The following SHROOM2 variants were observed in gnomAD, a reference collection of about 807,000 sequenced individuals.
SHROOM2 encodes the protein protein Shroom2.
SHROOM2 carries 33 observed loss-of-function variants against 75.9 expected under a neutral mutation model. That is an observed-to-expected ratio of 0.43 (90% confidence interval 0.33 to 0.58). The LOEUF is 0.58. Ranked by LOEUF, SHROOM2 falls within the 20% of genes least tolerant of loss-of-function variation. The probability of loss-of-function intolerance (pLI) is 0.04; values close to 1 mark genes in which losing one functional copy is unlikely to be tolerated. For missense variants in SHROOM2, 1,434 were observed against 1,461.2 expected (o/e 0.98, Z 0.30); for synonymous variants, 655 against 663.6 (o/e 0.99, Z 0.20).
chrX:9,873,906 G>C, intron 2 of SHROOM2, 103 bp downstream of exon 2: 1 of 872,804 alleles, frequency 1.1e-6, no homozygotes, highest in Non-Finnish European at 1.6e-6. Context: ...CAGAGATCTC[G>C]ATTGGGACAT....
chrX:9,937,222 C>T lies in SHROOM2; in HGVS notation c.3676C>T (p.Arg1226Cys), dbSNP rs751386118. 5 of 1,204,721 alleles carry T rather than the reference C, an allele frequency of 4.2e-6. No individual in the cohort carries two copies. The highest frequency in any genetic ancestry group is 6.0e-5 in the East Asian group (2 of 33,389). The change falls in exon 7 of 10, where the codon CGC becomes TGC. Residue 1226 changes from arginine (R) to cysteine (C), a missense_variant. By Grantham distance (180) the Arg-to-Cys change is radical (BLOSUM62 -3). Around this residue, in one of 3 missense-constraint regions of SHROOM2, gnomAD observed 1,340 missense variants for 1,338.3 expected, o/e 1.00. Transcript: ENST00000380913. ...HSESQPEKES[R>C]QSLACPAEPP... ...GGAGAGCCAGCCAGAGAAGGAGAGC[C>T]GCCAGAGCCTGGCATGCCCCGCCGA... is the stretch of plus-strand genomic sequence containing the variant.
chrX:9,805,096 A>G (rs1165206636), intron 1 of SHROOM2, among the ~76,000 whole-genome samples: 1 of 109,041 alleles, frequency 9.2e-6, no homozygotes, highest in Non-Finnish European at 1.9e-5. Flanking sequence ...AAAAAATACA[A>G]AAGTTAGCCA....
rs185891239 is a variant in SHROOM2 at position 9,875,835 on chromosome X, G to A, written c.317+2032G>A. On this transcript the variant is annotated intron_variant, in intron 2 of 9. Transcript: ENST00000380913. ...TCCGTAGTTATGGGAGTGAAGTCAG[G>A]TATCATTCCATATGTTTAGAAGCAA... Among the ~76,000 whole-genome samples the A allele has an allele frequency of 3.5e-4, 39 of 112,680 alleles. 1 individual carries two copies. Among genetic ancestry groups the A allele is most frequent in the East Asian group, 1.1e-3 (4 of 3,598 alleles).
rs752421110 is a variant in SHROOM2, at chrX:9,909,970, G to C, written c.2891+11680G>C. Reference sequence around the variant, plus strand: ...CTCACATGATGGAAGGGGAGAGGGAGCTCTCAGGGGTCCCTTTTATGAGGG... The same window carrying C: ...CTCACATGATGGAAGGGGAGAGGGACCTCTCAGGGGTCCCTTTTATGAGGG... On this transcript the variant is annotated intron_variant, in intron 5 of 9. Transcript: ENST00000380913. Among the ~76,000 whole-genome samples the C allele has an allele frequency of 4.5e-5, 5 of 111,133 alleles. No homozygotes were observed. The South Asian group carries it at 1.2e-3, about 26-fold the overall frequency.
At chrX:9,944,586 T>G (rs1239614140) in intron 8 of SHROOM2, 55 bp from the exon 9 acceptor site, 3 of 1,126,920 alleles carry the variant, frequency 2.7e-6, no homozygotes, top group Non-Finnish European at 3.5e-6. Context: ...GTGGCCGGGG[T>G]GGGGGCCGGC....
At chrX:9,924,040 C>G (rs1032478647) in intron 5 of SHROOM2, among the ~76,000 whole-genome samples, 3 of 112,328 alleles carry the variant, frequency 2.7e-5, no homozygotes, top group African/African-American at 9.7e-5. Flanking sequence ...ATCTGACTTT[C>G]TAGAGTAATT....
chrX:9,831,606 T>C (rs751688995), intron 1 of SHROOM2, among the ~76,000 whole-genome samples: 4 of 112,278 alleles, frequency 3.6e-5, no homozygotes, highest in African/African-American at 9.7e-5. Context: ...TACGGTGAGC[T>C]GAGATCGTGC....
Position 9,857,610 on chromosome X carries a change from A to G in SHROOM2, c.166-16042A>G, listed in dbSNP as rs1201685869. Among the ~76,000 whole-genome samples the G allele has an allele frequency of 2.7e-5, 3 of 110,431 alleles. No individual in the cohort carries two copies. The Admixed American group carries it at 2.9e-4, about 11-fold the overall frequency. ...CACCATGTTGCCCAGGCTGGTCTCG[A>G]ACTCCTGGCCTCAAGTGATCCTCCT... On this transcript the variant is annotated intron_variant, in intron 1 of 9. Coordinates refer to ENST00000380913, the MANE Select transcript of SHROOM2 (RefSeq NM_001649.4).
intron 1 of SHROOM2, among the ~76,000 whole-genome samples, chrX:9,848,602 G>A (rs1216301599): frequency 1.8e-5 from 2 of 109,144 alleles, no homozygotes; most frequent in African/African-American, 6.6e-5. Context: ...TTTATACGGG[G>A]ATGTGAGGAG....
chrX:9,802,925 C>CTT (rs764750698), intron 1 of SHROOM2, among the ~76,000 whole-genome samples: 26 of 86,782 alleles, frequency 3.0e-4, no homozygotes, highest in South Asian at 1.0e-3. Context: ...CTGCAGATTT[C>CTT]TTTTTTTTTT....
At chrX:9,814,551 T>C (rs1396352576) in intron 1 of SHROOM2, among the ~76,000 whole-genome samples, 1 of 110,479 alleles carries the variant, frequency 9.1e-6, no homozygotes, top group Non-Finnish European at 1.9e-5. Flanking sequence ...GTGTCGGGGG[T>C]GGCTCCTGAG....
intron 5 of SHROOM2, among the ~76,000 whole-genome samples, chrX:9,903,101 A>G (rs867545671): frequency 8.9e-6 from 1 of 112,388 alleles, no homozygotes; most frequent in African/African-American, 3.2e-5. Context: ...CTGAGAGGTG[A>G]CTTGGTGTAC....
In SHROOM2 at chrX:9,891,228, A is replaced by G. The variant is rs148490568; in HGVS notation, c.449+120A>G. On this transcript the variant is annotated intron_variant, in intron 3 of 9. Transcript: ENST00000380913. ...GACTGGGCCACCGACACATAATCACAGTTGGAGGGCTCTGAATTTTTGACT... is the reference window on the plus strand; with the variant it reads ...GACTGGGCCACCGACACATAATCACGGTTGGAGGGCTCTGAATTTTTGACT... The G allele has an allele frequency of 6.6e-3, 5,731 of 874,134 alleles. 143 individuals carry two copies. The East Asian group carries it at 0.09, about 14-fold the overall frequency. The allele number at this position is 874,134 out of a possible 1,213,427, so 72.0% of individuals were successfully genotyped here. A position where few individuals can be genotyped will look rare whatever the true frequency, so the allele number is the denominator to read the frequency against.
chrX:9,845,865 T>C (rs2084003732), intron 1 of SHROOM2, among the ~76,000 whole-genome samples: 1 of 98,977 alleles, frequency 1.0e-5, no homozygotes, highest in Non-Finnish European at 2.0e-5. Context: ...TTCCTATTTA[T>C]GTTTTAGGAA....
intron 1 of SHROOM2, among the ~76,000 whole-genome samples, chrX:9,855,714 AC>A (rs1411304706): frequency 9.0e-6 from 1 of 111,628 alleles, no homozygotes; most frequent in Non-Finnish European, 1.9e-5. Flanking sequence ...GAAGCGATGA[AC>A]CCATCCTTGA....
intron 1 of SHROOM2, among the ~76,000 whole-genome samples, chrX:9,870,203 A>G (rs1601956757): frequency 1.8e-5 from 2 of 111,946 alleles, no homozygotes; most frequent in Non-Finnish European, 1.9e-5. Context: ...TCCAGCTTGG[A>G]TGACAGAATG....
intron 2 of SHROOM2, among the ~76,000 whole-genome samples, chrX:9,877,452 T>C (rs1213859787): frequency 9.0e-6 from 1 of 111,685 alleles, no homozygotes; most frequent in Non-Finnish European, 1.9e-5. Flanking sequence ...CTTTTCTCTT[T>C]CTTCCCAGGC....
intron 6 of SHROOM2, among the ~76,000 whole-genome samples, chrX:9,934,706 T>TA (rs1436897512): frequency 3.6e-5 from 4 of 111,986 alleles, no homozygotes; most frequent in Admixed American, 9.5e-5. Context: ...CCATTTCTGT[T>TA]AAAAAATGAT....
chrX:9,807,210 G>A (rs1324839271), intron 1 of SHROOM2, among the ~76,000 whole-genome samples: 1 of 112,065 alleles, frequency 8.9e-6, no homozygotes. Flanking sequence ...CAGCCCCGTC[G>A]CCATGCCTAG....
Sources: allele counts gnomAD v4.1 joint callset (sites outside exome capture counted in the v4.1 genomes callset), GRCh38; gene constraint gnomAD v4.1.1; regional missense constraint gnomAD v4.1.1; transcripts MANE v1.5; gene names NCBI Gene and HGNC (gene_info 2026-07-23, HGNC 2026-07-21).